The following MGAT4C variants were observed in gnomAD, a reference collection of about 807,000 sequenced individuals.
The protein encoded by MGAT4C is alpha-1,3-mannosyl-glycoprotein 4-beta-N-acetylglucosaminyltransferase C.
MGAT4C carries 19 observed loss-of-function variants against 40.1 expected under a neutral mutation model. The ratio of observed to expected loss-of-function variants is 0.47; its 90% CI spans 0.33 to 0.70. MGAT4C has a LOEUF of 0.70. Among genes scored for constraint, MGAT4C ranks in the 30% least tolerant of loss-of-function variants. The probability of loss-of-function intolerance (pLI) is 0.02; values close to 1 mark genes in which losing one functional copy is unlikely to be tolerated. For synonymous variants in MGAT4C, 181 were observed against 187.1 expected (o/e 0.97, Z 0.27); for missense variants, 491 against 563.2 (o/e 0.87, Z 1.30).
intron 1 of MGAT4C, among the ~76,000 whole-genome samples, chr12:86,184,489 C>A (rs1000366502): frequency 6.6e-6 from 1 of 151,650 alleles, no homozygotes; most frequent in Admixed American, 6.6e-5. Context: ...CTTCTTTTCT[C>A]GAAATTTTAA....
chr12:86,511,329 G>A (rs568587609), intron 2 of MGAT4C, among the ~76,000 whole-genome samples: 177 of 152,014 alleles, frequency 1.2e-3, no homozygotes, highest in African/African-American at 3.4e-3. Flanking sequence ...TCTCTGGGAC[G>A]CATTTAATAT....
At chr12:86,446,680 T>TATATATATATATATATAC (rs1565769381) in intron 2 of MGAT4C, among the ~76,000 whole-genome samples, 16 of 120,134 alleles carry the variant, frequency 1.3e-4, no homozygotes, top group Admixed American at 2.5e-4. Context: ...TATATATATA[T>TATATATATATATATATAC]ATATATATAT....
chr12:86,531,051 A>T (rs1180316731), intron 2 of MGAT4C, among the ~76,000 whole-genome samples: 1 of 151,992 alleles, frequency 6.6e-6, no homozygotes, highest in African/African-American at 2.4e-5. Context: ...AGAAAGGGGC[A>T]TTGGCCAACT....
At chr12:86,330,935 T>C (rs1191382857) in intron 4 of MGAT4C, among the ~76,000 whole-genome samples, 2 of 152,152 alleles carry the variant, frequency 1.3e-5, no homozygotes, top group Non-Finnish European at 2.9e-5. Context: ...AGCTATCATA[T>C]AGCAATTATT....
At position 86,776,161 on chromosome 12, in the gene MGAT4C, A is replaced by C. The variant is rs553675548; in HGVS notation, c.-261-48920T>G. Among the ~76,000 whole-genome samples the C allele has an allele frequency of 2.6e-3, 399 of 152,202 alleles. 2 individuals are homozygous for C. Among genetic ancestry groups the C allele is most frequent in the Middle Eastern group, 3.4e-3 (1 of 292 alleles). On this transcript the variant is annotated intron_variant, in intron 1 of 7. Coordinates refer to the MGAT4C transcript ENST00000548651. The stretch of plus-strand genomic sequence containing the variant: ...GGAATTGGCTAAAACAAGCCAATAT[A>C]AGATTAAATGTGTTTTAGCTCAGGG...
At chr12:86,646,856 G>A (rs1292642238) in intron 2 of MGAT4C, among the ~76,000 whole-genome samples, 1 of 151,934 alleles carries the variant, frequency 6.6e-6, no homozygotes, top group Non-Finnish European at 1.5e-5. Context: ...GTATGGGGTA[G>A]AATATTATGT....
intron 2 of MGAT4C, among the ~76,000 whole-genome samples, chr12:86,458,900 A>G (rs78936721): frequency 0.011 from 1,662 of 151,514 alleles, 33 homozygotes; most frequent in East Asian, 0.061. Context: ...AGAAAGGGTG[A>G]GGTAAGTTTT....
chr12:86,001,004 C>T (rs1221878410), intron 2 of MGAT4C, among the ~76,000 whole-genome samples: 1 of 152,120 alleles, frequency 6.6e-6, no homozygotes, highest in Non-Finnish European at 1.5e-5. Flanking sequence ...AGACACTATA[C>T]ACTTGGGAAT....
At chr12:86,525,033 G>A (rs565248791) in intron 2 of MGAT4C, among the ~76,000 whole-genome samples, 273 of 152,008 alleles carry the variant, frequency 1.8e-3, no homozygotes, top group Admixed American at 5.0e-3. Context: ...AATGATATTC[G>A]ATTATATTGA....
intron 2 of MGAT4C, among the ~76,000 whole-genome samples, chr12:86,684,147 G>A (rs762615044): frequency 6.6e-6 from 1 of 151,996 alleles, no homozygotes; most frequent in African/African-American, 2.4e-5. Context: ...AGGCCGAGGC[G>A]GGCAGATCAC....
intron 1 of MGAT4C, among the ~76,000 whole-genome samples, chr12:86,218,919 G>T (rs1462609289): frequency 6.6e-6 from 1 of 152,052 alleles, no homozygotes; most frequent in African/African-American, 2.4e-5. Flanking sequence ...GGTGGCTTAT[G>T]CTTGTAATCT....
At chr12:86,487,876 C>A (rs1958050706) in intron 2 of MGAT4C, among the ~76,000 whole-genome samples, 1 of 152,000 alleles carries the variant, frequency 6.6e-6, no homozygotes, top group Admixed American at 6.6e-5. Flanking sequence ...CTAAAATAAA[C>A]CTTACTTTCT....
rs368970379 is a variant in MGAT4C, at chr12:86,451,410, G to T, written c.-228-16145C>A. 1.6e-4 allele frequency among the ~76,000 whole-genome samples: 25 copies of T among 152,208 alleles called. No homozygotes were observed. In the East Asian group the frequency reaches 4.4e-3, roughly 27 times the overall value. ...TTTCTTATAAAGTAGCCAGTCTCAG[G>T]TATTTCTTTATAGCAATGTGAGAAC... is the stretch of plus-strand genomic sequence containing the variant. On this transcript the variant is annotated intron_variant, in intron 2 of 7. Coordinates refer to the MGAT4C transcript ENST00000548651.
chr12:86,044,382 G>T (rs937519380), intron 2 of MGAT4C, among the ~76,000 whole-genome samples: 1 of 152,200 alleles, frequency 6.6e-6, no homozygotes, highest in Non-Finnish European at 1.5e-5. Context: ...AGCATGGTGG[G>T]TTACATGTTC....
intron 3 of MGAT4C, among the ~76,000 whole-genome samples, chr12:86,396,105 A>G (rs1956257136): frequency 6.6e-6 from 1 of 152,136 alleles, no homozygotes; most frequent in Non-Finnish European, 1.5e-5. Flanking sequence ...TGGATTCTGT[A>G]AAAAATCTAA....
intron 2 of MGAT4C, among the ~76,000 whole-genome samples, chr12:86,445,820 C>T (rs933274230): frequency 6.6e-6 from 1 of 152,022 alleles, no homozygotes; most frequent in Non-Finnish European, 1.5e-5. Flanking sequence ...TTTATATAGG[C>T]TGCAAAAATG....
At chr12:86,372,598 T>A (rs1955738643) in intron 3 of MGAT4C, among the ~76,000 whole-genome samples, 1 of 152,032 alleles carries the variant, frequency 6.6e-6, no homozygotes, top group African/African-American at 2.4e-5. Context: ...CAAGTCTATG[T>A]GAAGTATTAT....
At chr12:86,195,797 A>C (rs1949778964) in intron 1 of MGAT4C, among the ~76,000 whole-genome samples, 1 of 152,154 alleles carries the variant, frequency 6.6e-6, no homozygotes, top group Admixed American at 6.5e-5. Flanking sequence ...TGACTCACAA[A>C]ATATATGAGA....
chr12:86,563,262 G>A (rs74515858), intron 2 of MGAT4C, among the ~76,000 whole-genome samples: 4,153 of 152,248 alleles, frequency 0.027, 155 homozygotes, highest in African/African-American at 0.086. Context: ...AAAGTGGCAG[G>A]AGCCAACTGG....
Sources: allele counts gnomAD v4.1 joint callset (sites outside exome capture counted in the v4.1 genomes callset), GRCh38; gene constraint gnomAD v4.1.1; transcripts MANE v1.5; gene names NCBI Gene and HGNC (gene_info 2026-07-23, HGNC 2026-07-21).